Variants in SREBF2 observed in about 807,000 individuals in gnomAD.
The protein encoded by SREBF2 is sterol regulatory element-binding protein 2.
SREBF2 carries 55 observed loss-of-function variants against 113.1 expected under a neutral mutation model. That is an observed-to-expected ratio of 0.49 (90% CI 0.39 to 0.61). SREBF2 has a LOEUF of 0.61. Ranked by LOEUF, SREBF2 falls within the 20% of genes least tolerant of loss-of-function variation. SREBF2 has a pLI of 0.00. For missense variants in SREBF2, 1,349 were observed against 1,487.4 expected (o/e 0.91, Z 1.53); for synonymous variants, 593 against 605.7 (o/e 0.98, Z 0.31).
chr22:41,871,091 T>TA, intron 4 of SREBF2, 56 bp downstream of exon 4: 1 of 1,608,026 alleles, frequency 6.2e-7, no homozygotes, highest in Non-Finnish European at 8.5e-7. Flanking sequence ...CTGGAGGTGT[T>TA]AGTCTTCAGA....
intron 1 of SREBF2, among the ~76,000 whole-genome samples, chr22:41,860,903 G>A (rs1310774700): frequency 1.3e-5 from 2 of 151,780 alleles, no homozygotes; most frequent in Non-Finnish European, 2.9e-5. Flanking sequence ...AAAAAGATAA[G>A]GCTGAAAAAT....
At chr22:41,848,664 C>T (rs1235639144) in intron 1 of SREBF2, among the ~76,000 whole-genome samples, 2 of 152,098 alleles carry the variant, frequency 1.3e-5, no homozygotes, top group Non-Finnish European at 1.5e-5. Flanking sequence ...ACTTGTGGAG[C>T]AGGGTGCTTG....
chr22:41,872,455 C>T (rs1187448602), intron 4 of SREBF2, among the ~76,000 whole-genome samples: 1 of 151,904 alleles, frequency 6.6e-6, no homozygotes, highest in African/African-American at 2.4e-5. Context: ...ACATTGTGTA[C>T]ATATGTAAAA....
chr22:41,896,625 C>G (rs780901292), intron 13 of SREBF2, among the ~76,000 whole-genome samples: 11 of 152,216 alleles, frequency 7.2e-5, no homozygotes, highest in Non-Finnish European at 1.3e-4. Flanking sequence ...TCCCAAAGTG[C>G]TGGGATTACA....
intron 9 of SREBF2, 67 bp downstream of exon 9, chr22:41,878,190 A>G (rs927265420): frequency 6.3e-7 from 1 of 1,596,092 alleles, no homozygotes; most frequent in Non-Finnish European, 8.5e-7. Context: ...AACTCGTGTC[A>G]AAGAAAGTCC....
intron 1 of SREBF2, among the ~76,000 whole-genome samples, chr22:41,835,053 C>G (rs534626573): frequency 6.6e-6 from 1 of 152,166 alleles, no homozygotes; most frequent in East Asian, 1.9e-4. Context: ...CTATAGCTGC[C>G]TACCTGCAAG....
chr22:41,875,159 T>C (rs2077183022), intron 5 of SREBF2, among the ~76,000 whole-genome samples, 178 bp from the exon 6 acceptor site: 1 of 152,130 alleles, frequency 6.6e-6, no homozygotes, highest in South Asian at 2.1e-4. Flanking sequence ...GAAAGTGAGG[T>C]TCTGAGGTAT....
Position 41,894,857 on chromosome 22 carries a change from G to T in SREBF2, c.2415G>T (p.Lys805Asn). ...PIAQVHQAFC[K>N]NLLERAIESL... is the part of the protein sequence containing the mutation. ...CGCAGGTCCACCAGGCCTTCTGCAA[G>T]AACCTGCTGGAGCGAGCTATAGAGT... Residue 805 changes from lysine (K) to asparagine (N), a missense_variant, in exon 13 of 19, where the codon AAG becomes AAT. Around this residue, in one of 2 missense-constraint regions of SREBF2, gnomAD observed 650 missense variants for 644.1 expected, o/e 1.01. Transcript: ENST00000361204. 6.2e-7 allele frequency: 1 copy of T among 1,614,144 alleles called. No homozygotes were observed. The highest frequency in any genetic ancestry group is 1.1e-5 in the South Asian group (1 of 91,078).
At chr22:41,861,208 G>A (rs1483250517) in intron 1 of SREBF2, among the ~76,000 whole-genome samples, 1 of 152,226 alleles carries the variant, frequency 6.6e-6, no homozygotes, top group Admixed American at 6.5e-5. Flanking sequence ...AATGGGCCGG[G>A]CGCTGTGGCT....
intron 1 of SREBF2, chr22:41,834,802 T>C (rs1290421429): frequency 6.6e-6 from 1 of 151,936 alleles, no homozygotes; most frequent in African/African-American, 2.4e-5. Context: ...GGTTAACAAA[T>C]GGGGGATGGG....
chr22:41,884,922 A>G lies in SREBF2; in HGVS notation c.2119A>G (p.Lys707Glu). ...GAACCTGGCTGAATGTGCAGAGGAGAAGATCCCACCGAGCACACTGGTTGA... is the reference window on the plus strand; with the variant it reads ...GAACCTGGCTGAATGTGCAGAGGAGGAGATCCCACCGAGCACACTGGTTGA... ...AVNLAECAEEKIPPSTLVEIH... is the reference protein window; with the variant it reads ...AVNLAECAEEEIPPSTLVEIH... The change falls in exon 11 of 19, where the codon AAG (lysine) becomes GAG (glutamate). Residue 707 changes from lysine (K) to glutamate (E), a missense_variant. Transcript: ENST00000361204. The G allele has an allele frequency of 6.2e-7, 1 of 1,613,914 alleles. No homozygotes were observed. The highest frequency in any genetic ancestry group is 8.5e-7 in the Non-Finnish European group (1 of 1,179,970).
In SREBF2 at chr22:41,875,420, C is replaced by T; in HGVS notation, c.1173C>T (p.Asn391=). 2 of 1,614,220 alleles carry T rather than the reference C, an allele frequency of 1.2e-6. No individual in the cohort carries two copies. The highest frequency in any genetic ancestry group is 1.6e-4 in the Middle Eastern group (1 of 6,062). ...TCAATCATAAACTGCGCCAGGAGAA[C>T]ATGGTGCTGAAGCTGGCAAATCAAA... ...QQVNHKLRQE[N]MVLKLANQKN... Residue 391 remains asparagine, a synonymous_variant, in exon 6 of 19, where the codon AAC becomes AAT. Transcript: ENST00000361204.
chr22:41,861,517 G>A (rs983879842), intron 1 of SREBF2, among the ~76,000 whole-genome samples: 2 of 151,768 alleles, frequency 1.3e-5, no homozygotes, highest in African/African-American at 2.4e-5. Context: ...ATTGACAATG[G>A]ATGACTCAAG....
At chr22:41,880,294 G>A (rs944541406) in intron 9 of SREBF2, among the ~76,000 whole-genome samples, 2 of 151,154 alleles carry the variant, frequency 1.3e-5, no homozygotes, top group Admixed American at 6.6e-5. Context: ...GCTCACGCCT[G>A]TAATCCCAAC....
At chr22:41,843,952 G>A (rs570199364) in intron 1 of SREBF2, among the ~76,000 whole-genome samples, 2 of 149,342 alleles carry the variant, frequency 1.3e-5, no homozygotes, top group South Asian at 4.2e-4. Flanking sequence ...AGAGGCTGAA[G>A]ATACAGTGAG....
chr22:41,844,963 C>G (rs535286492), intron 1 of SREBF2, among the ~76,000 whole-genome samples: 5 of 120,956 alleles, frequency 4.1e-5, no homozygotes, highest in African/African-American at 1.6e-4. Flanking sequence ...GAGTCCTGCT[C>G]TGTCGCCCAG....
In SREBF2 at chr22:41,833,353, T is replaced by A; in HGVS notation, c.83T>A (p.Ile28Asn). The A allele has an allele frequency of 1.9e-6, 1 of 518,398 alleles. No individual in the cohort carries two copies. The highest frequency in any genetic ancestry group is 3.4e-6 in the Non-Finnish European group (1 of 295,706). 32.1% of individuals were successfully genotyped at this position (518,398 alleles called of 1,614,324 possible). Residue 28 changes from isoleucine (I) to asparagine (N), a missense_variant, in exon 1 of 19, where the codon ATC (isoleucine) becomes AAC (asparagine). Coordinates refer to ENST00000361204, the MANE Select transcript of SREBF2 (RefSeq NM_004599.4). The surrounding 1 kb of genome is among the most constrained non-coding windows in gnomAD (Gnocchi z 4.1). ...ELGDELTLGD[I>N]DEMLQFVSNQ... ...GGCGACGAGCTGACCCTGGGAGACA[T>A]CGACGGTGAGTGGTGGGTGGGTGGG...
At chr22:41,881,866 G>A (rs1050530917) in intron 10 of SREBF2, among the ~76,000 whole-genome samples, 1 of 152,130 alleles carries the variant, frequency 6.6e-6, no homozygotes, top group African/African-American at 2.4e-5. Context: ...GCACTCAGGA[G>A]TTCGAGACCA....
At chr22:41,844,133 TCC>T (rs1431344474) in intron 1 of SREBF2, among the ~76,000 whole-genome samples, 1 of 151,916 alleles carries the variant, frequency 6.6e-6, no homozygotes. Flanking sequence ...TAAAGTGACT[TCC>T]CCTGGGTCCT....
Sources: gnomAD v4.1 joint callset for allele counts (sites outside exome capture counted in the v4.1 genomes callset) on GRCh38, gnomAD v4.1.1 for gene constraint, gnomAD v4.1.1 regional missense constraint, Gnocchi (gnomAD v3.1) non-coding constraint, MANE v1.5 for transcripts, NCBI Gene and HGNC (gene_info 2026-07-23, HGNC 2026-07-21) for gene names.